Variants in LOC400499 observed in about 807,000 individuals in gnomAD.
the LOC400499 span, among the ~76,000 whole-genome samples, chr16:11,518,124 T>C: frequency 6.6e-6 from 1 of 152,116 alleles, no homozygotes; most frequent in East Asian, 1.9e-4. Context: ...GACTTAGCAT[T>C]TCTGATGAGG....
the LOC400499 span, among the ~76,000 whole-genome samples, chr16:11,512,772 C>T: frequency 6.6e-6 from 1 of 152,150 alleles, no homozygotes; most frequent in South Asian, 2.1e-4. Flanking sequence ...TCTCATCCAA[C>T]TCAGTGGGAC....
At chr16:11,467,981 T>C in the LOC400499 span, among the ~76,000 whole-genome samples, 7 of 151,964 alleles carry the variant, frequency 4.6e-5, no homozygotes, top group African/African-American at 1.2e-4. Flanking sequence ...GGGAAGACTA[T>C]GGGAAGACAG....
chr16:11,438,489 G>C, the LOC400499 span, among the ~76,000 whole-genome samples: 1 of 151,816 alleles, frequency 6.6e-6, no homozygotes, highest in Non-Finnish European at 1.5e-5. Flanking sequence ...ATGCTATCAG[G>C]GCTGGGCGCA....
the LOC400499 span, chr16:11,372,760 A>G: frequency 1.0e-6 from 1 of 981,900 alleles, no homozygotes; most frequent in Non-Finnish European, 1.2e-6. Flanking sequence ...AGAGAAAAGT[A>G]AGACCAGGCT....
chr16:11,423,270 T>G, the LOC400499 span: 1 of 399,006 alleles, frequency 2.5e-6, no homozygotes, highest in Non-Finnish European at 4.4e-6. Context: ...CAGAGACCAG[T>G]GGGTGGGAAG....
chr16:11,461,010 C>A, the LOC400499 span: 2 of 1,536,124 alleles, frequency 1.3e-6, no homozygotes, highest in Non-Finnish European at 1.7e-6. Flanking sequence ...AGAGCTGGCC[C>A]CGTTGCTGCA....
the LOC400499 span, among the ~76,000 whole-genome samples, chr16:11,480,896 CA>C: frequency 6.6e-6 from 1 of 152,168 alleles, no homozygotes; most frequent in African/African-American, 2.4e-5. Flanking sequence ...AAGTCAGACA[CA>C]AAAAGAAGTA....
the LOC400499 span, among the ~76,000 whole-genome samples, chr16:11,510,936 G>C: frequency 6.7e-3 from 1,018 of 151,506 alleles, 49 homozygotes; most frequent in African/African-American, 0.024. Context: ...ACGGGGCCAG[G>C]ATGATGTGAA....
the LOC400499 span, among the ~76,000 whole-genome samples, chr16:11,394,892 T>TG: frequency 6.6e-6 from 1 of 152,336 alleles, no homozygotes; most frequent in East Asian, 1.9e-4. Context: ...TCTAGAACTG[T>TG]GACACCATAC....
the LOC400499 span, chr16:11,390,554 GC>G: frequency 9.7e-7 from 1 of 1,034,576 alleles, no homozygotes; most frequent in Middle Eastern, 3.5e-4. Flanking sequence ...AGGAGATAGG[GC>G]CTGTTCCTGG....
the LOC400499 span, among the ~76,000 whole-genome samples, chr16:11,375,806 C>T: frequency 2.6e-3 from 380 of 147,012 alleles, 1 homozygote; most frequent in South Asian, 0.015. Flanking sequence ...CTCGGCTCAC[C>T]GCAACCTCTG....
chr16:11,390,936 G>C, the LOC400499 span, among the ~76,000 whole-genome samples: 69 of 152,350 alleles, frequency 4.5e-4, no homozygotes, highest in Non-Finnish European at 5.9e-5. Context: ...CGCTGGGACT[G>C]GGAGAGTACC....
chr16:11,374,408 C>A, the LOC400499 span, among the ~76,000 whole-genome samples: 2 of 152,196 alleles, frequency 1.3e-5, no homozygotes, highest in Non-Finnish European at 2.9e-5. Flanking sequence ...TAAGTACATG[C>A]ACACTTTTGT....
At chr16:11,382,097 C>T in the LOC400499 span, among the ~76,000 whole-genome samples, 5 of 152,114 alleles carry the variant, frequency 3.3e-5, no homozygotes, top group Admixed American at 2.0e-4. Context: ...CCACCACACC[C>T]GGCTAATTTT....
the LOC400499 span, among the ~76,000 whole-genome samples, chr16:11,394,734 C>G: frequency 0.24 from 36,622 of 152,126 alleles, 4,668 homozygotes; most frequent in African/African-American, 0.32. Flanking sequence ...AAGGCCACCA[C>G]GTGGGACAGA....
At chr16:11,414,101 A>G in the LOC400499 span, among the ~76,000 whole-genome samples, 52 of 152,344 alleles carry the variant, frequency 3.4e-4, 1 homozygote, top group South Asian at 9.9e-3. Context: ...GACGCAGGGC[A>G]GGAGCCAGAC....
the LOC400499 span, chr16:11,417,972 C>T: frequency 2.5e-6 from 1 of 397,086 alleles, no homozygotes; most frequent in Non-Finnish European, 4.4e-6. Flanking sequence ...GAACTCAGAC[C>T]CTCTTGAAGG....
chr16:11,527,299 G>A, the LOC400499 span, among the ~76,000 whole-genome samples: 1 of 152,150 alleles, frequency 6.6e-6, no homozygotes, highest in Non-Finnish European at 1.5e-5. Context: ...AGCCCAGGAG[G>A]GTAGAAGGGG....
the LOC400499 span, among the ~76,000 whole-genome samples, chr16:11,393,750 A>G: frequency 3.9e-5 from 6 of 152,136 alleles, no homozygotes. Context: ...TCCCTGTCTA[A>G]GGCTGCCAGT....
Sources: allele counts gnomAD v4.1 joint callset (sites outside exome capture counted in the v4.1 genomes callset), GRCh38; gene constraint gnomAD v4.1.1; transcripts MANE v1.5.